HERC1: variants seen among roughly 807,000 people sequenced by gnomAD.
HERC1 encodes the protein HECT and RLD domain containing E3 ubiquitin protein ligase family member 1.
In HERC1, 160 loss-of-function variants were observed where a neutral mutation model predicts 554.3. The ratio of observed to expected loss-of-function variants is 0.29; its 90% CI spans 0.25 to 0.33. The LOEUF (loss-of-function observed/expected upper bound fraction) is 0.33. Among genes scored for constraint, HERC1 ranks in the 10% least tolerant of loss-of-function variants. HERC1 has a pLI of 1.00. For missense variants in HERC1, 4,919 were observed against 5,918.5 expected (o/e 0.83, Z 5.54); for synonymous variants, 2,175 against 2,131.7 (o/e 1.02, Z -0.56).
intron 1 of HERC1, among the ~76,000 whole-genome samples, chr15:63,784,753 G>A (rs2076388396): frequency 1.3e-5 from 2 of 152,208 alleles, no homozygotes; most frequent in African/African-American, 4.8e-5. Context: ...GACTATAGGT[G>A]GCTGCCACCG....
chr15:63,627,256 C>G (rs118084831), intron 70 of HERC1, among the ~76,000 whole-genome samples: 1,985 of 152,198 alleles, frequency 0.013, 23 homozygotes, highest in East Asian at 0.023. Context: ...TAGGACCCCC[C>G]CTAAGAAATA....
At chr15:63,795,307 AAG>A (rs1178776006) in intron 1 of HERC1, among the ~76,000 whole-genome samples, 2 of 152,102 alleles carry the variant, frequency 1.3e-5, no homozygotes, top group African/African-American at 4.8e-5. Context: ...ATTTTGGAAA[AAG>A]AAGTTCAAAG....
At chr15:63,629,487 C>T (rs143944723) in intron 69 of HERC1, among the ~76,000 whole-genome samples, 63 of 152,286 alleles carry the variant, frequency 4.1e-4, no homozygotes, top group African/African-American at 1.4e-3. Context: ...AATAAATAAA[C>T]ATATACAAAA....
At chr15:63,615,539 G>A (rs775239105) in intron 76 of HERC1, among the ~76,000 whole-genome samples, 1 of 152,250 alleles carries the variant, frequency 6.6e-6, no homozygotes, top group East Asian at 1.9e-4. Flanking sequence ...GAACCCAGGA[G>A]GCAGAGGCTG....
At chr15:63,622,939 T>G (rs1458625780) in intron 73 of HERC1, 48 bp from the exon 74 acceptor site, 1 of 1,194,262 alleles carries the variant, frequency 8.4e-7, no homozygotes, top group African/African-American at 1.5e-5. Flanking sequence ...ATCAAATGCA[T>G]GAAGAGAACA....
Position 63,734,934 on chromosome 15 carries a change from T to C in HERC1, c.2521-85A>G. On this transcript the variant is annotated intron_variant, in intron 12 of 77. Transcript: ENST00000443617. This position sits in a 1 kb window ranked among gnomAD's most constrained non-coding sequence, Gnocchi z 4.6. ...CACTTAAAGCGAACTCACTGACTAC[T>C]AGGATCATGTAAGTCTAAAAAAGAT... 8.9e-7 allele frequency: 1 copy of C among 1,127,268 alleles called. No homozygotes were observed. The highest frequency in any genetic ancestry group is 2.7e-5 in the East Asian group (1 of 37,336). 69.8% of individuals were successfully genotyped at this position (1,127,268 alleles called of 1,614,324 possible). A position where few individuals can be genotyped will look rare whatever the true frequency, so the allele number is the denominator to read the frequency against.
chr15:63,757,308 G>A (rs1385310913), intron 4 of HERC1, among the ~76,000 whole-genome samples: 5 of 124,036 alleles, frequency 4.0e-5, no homozygotes, highest in Admixed American at 1.1e-4. Context: ...TCTGTCACCT[G>A]GGCTAGAGTG....
chr15:63,679,939 C>T, intron 36 of HERC1, 138 bp downstream of exon 36: 1 of 515,868 alleles, frequency 1.9e-6, no homozygotes, highest in Non-Finnish European at 3.3e-6. Context: ...TGAAAGTAAC[C>T]TTCTTCTAGA....
At chr15:63,825,539 A>G (rs754313144) in intron 1 of HERC1, among the ~76,000 whole-genome samples, 3 of 152,126 alleles carry the variant, frequency 2.0e-5, no homozygotes, top group Non-Finnish European at 4.4e-5. Flanking sequence ...AACAAATAAA[A>G]TGAGAGAGAA....
In HERC1 at chr15:63,833,743, A is replaced by ACACGCG. The variant is rs1386424635; in HGVS notation, c.-27+83_-27+84insCGCGTG. ...GCCCTGCGCGGCCGGCAAAGCACAC[A>ACACGCG]CGCGCGCGCGCACACACACACACAC... On this transcript the variant is annotated intron_variant, in intron 1 of 77. Coordinates refer to ENST00000443617, the MANE Select transcript of HERC1 (RefSeq NM_003922.4). The ACACGCG allele has an allele frequency of 1.7e-4, 11 of 66,264 alleles. 1 individual carries two copies. The highest frequency in any genetic ancestry group is 3.7e-4 in the African/African-American group (8 of 21,838). 4.1% of individuals were successfully genotyped at this position (66,264 alleles called of 1,614,324 possible).
Position 63,656,113 on chromosome 15 carries a change from T to C in HERC1, c.9845A>G (p.Lys3282Arg). ...CTGTGTACACAACTGTACAAGCAGT[T>C]TGGCAGCACTAGGAGCATTTGATGC... ...CLASNAPSAA[K>R]LLVQLCTQNL... Residue 3282 changes from lysine to arginine, a missense_variant, in exon 49 of 78, where the codon AAA becomes AGA. By Grantham distance (26) the Lys-to-Arg change is conservative. Coordinates refer to ENST00000443617, the MANE Select transcript of HERC1 (RefSeq NM_003922.4). 4.3e-6 allele frequency: 7 copies of C among 1,612,932 alleles called. No homozygotes were observed. The highest frequency in any genetic ancestry group is 5.9e-6 in the Non-Finnish European group (7 of 1,179,392).
At chr15:63,798,476 T>C (rs2076876857) in intron 1 of HERC1, among the ~76,000 whole-genome samples, 1 of 151,828 alleles carries the variant, frequency 6.6e-6, no homozygotes, top group Non-Finnish European at 1.5e-5. Context: ...ATTCCAAGCC[T>C]TCAAACCACT....
At chr15:63,796,013 T>G (rs2076802227) in intron 1 of HERC1, among the ~76,000 whole-genome samples, 1 of 152,220 alleles carries the variant, frequency 6.6e-6, no homozygotes, top group Non-Finnish European at 1.5e-5. Context: ...TTAGGCTAAA[T>G]TGTGGGAGCT....
intron 1 of HERC1, among the ~76,000 whole-genome samples, chr15:63,802,069 A>G (rs60055564): frequency 0.011 from 1,607 of 152,298 alleles, 22 homozygotes; most frequent in African/African-American, 0.037. Context: ...AAGACTTCTC[A>G]AGGGCATTTC....
intron 1 of HERC1, among the ~76,000 whole-genome samples, chr15:63,776,084 A>T (rs1026870024): frequency 7.9e-5 from 12 of 152,012 alleles, no homozygotes; most frequent in Admixed American, 1.3e-4. Context: ...ATTTCTTCAG[A>T]TGTACCTTTT....
chr15:63,675,459 G>A (rs2071149333), intron 37 of HERC1, among the ~76,000 whole-genome samples: 1 of 152,166 alleles, frequency 6.6e-6, no homozygotes, highest in Non-Finnish European at 1.5e-5. Flanking sequence ...ACTCAACCCT[G>A]CCATCATAGT....
intron 66 of HERC1, 138 bp from the exon 67 acceptor site, chr15:63,634,108 A>G (rs2068679724): frequency 3.5e-6 from 3 of 854,780 alleles, no homozygotes; most frequent in Non-Finnish European, 5.4e-6. Flanking sequence ...AGAGCATACT[A>G]CAAATGTTAA....
rs2070607459 is a variant in HERC1 at position 63,665,908 on chromosome 15, T to A, written c.8555+11A>T. The A allele has an allele frequency of 2.5e-6, 4 of 1,597,930 alleles. No individual in the cohort carries two copies. Among genetic ancestry groups the A allele is most frequent in the Non-Finnish European group, 3.4e-6 (4 of 1,166,930 alleles). ...ACACATGGAACAAAAGTACAGAAAC[T>A]GGAATTTCACCTTTCACTAAAACCT... On this transcript the variant is annotated intron_variant, in intron 42 of 77. Coordinates refer to ENST00000443617, the MANE Select transcript of HERC1 (RefSeq NM_003922.4).
chr15:63,723,054 TAATAA>T (rs1035731209), intron 19 of HERC1, 123 bp downstream of exon 19: 96 of 548,094 alleles, frequency 1.8e-4, no homozygotes, highest in East Asian at 6.4e-4. Flanking sequence ...TTAAAAATGT[TAATAA>T]AATATCTTTT....
Sources: allele counts gnomAD v4.1 joint callset (sites outside exome capture counted in the v4.1 genomes callset), GRCh38; gene constraint gnomAD v4.1.1; non-coding constraint Gnocchi (gnomAD v3.1); transcripts MANE v1.5; gene names NCBI Gene and HGNC (gene_info 2026-07-23, HGNC 2026-07-21).